SAXO1: variants seen among roughly 807,000 people sequenced by gnomAD.
SAXO1 encodes the protein 4930500O09Rik.
A neutral mutation model predicts 17.5 loss-of-function variants in SAXO1; 21 were observed. The ratio of observed to expected loss-of-function variants is 1.20; its 90% CI spans 0.85 to 1.72. The LOEUF is 1.72. SAXO1 is among the 40% of genes most tolerant of loss of function. The pLI, the probability that SAXO1 is intolerant of heterozygous loss-of-function variation, is 0.00. For missense variants in SAXO1, 843 were observed against 596.0 expected (o/e 1.41, Z -4.32); for synonymous variants, 274 against 216.5 (o/e 1.27, Z -2.33).
At chr9:18,982,009 C>T (rs978067756) in intron 1 of SAXO1, among the ~76,000 whole-genome samples, 1 of 152,186 alleles carries the variant, frequency 6.6e-6, no homozygotes, top group African/African-American at 2.4e-5. Context: ...CTCTCTAGGC[C>T]TCCCAGACCA....
chr9:18,951,741 A>C (rs920298868), intron 1 of SAXO1, among the ~76,000 whole-genome samples: 1 of 152,112 alleles, frequency 6.6e-6, no homozygotes, highest in African/African-American at 2.4e-5. Flanking sequence ...TGTCTGTCTC[A>C]TCTGTCAAGC....
At chr9:18,997,589 A>T (rs1291125249) in intron 1 of SAXO1, among the ~76,000 whole-genome samples, 3 of 152,382 alleles carry the variant, frequency 2.0e-5, no homozygotes, top group Non-Finnish European at 2.9e-5. Flanking sequence ...TGTCCCTGCC[A>T]GATAGTTCTG....
rs757779303 is a variant in SAXO1 at position 18,928,482 on chromosome 9, C to T, written c.995G>A (p.Gly332Asp). 1 of 1,613,336 alleles carries T rather than the reference C, an allele frequency of 6.2e-7. No individual in the cohort carries two copies. The highest frequency in any genetic ancestry group is 8.5e-7 in the Non-Finnish European group (1 of 1,179,666). ...CRPALQIKKC[G>D]RFEGSSTTKD... is the part of the protein sequence containing the mutation. ...GGTGGTGGAAGAGCCTTCAAAGCGA[C>T]CGCACTTCTTAATCTGAAGTGCAGG... Residue 332 changes from glycine (G) to aspartate (D), a missense_variant, in exon 4 of 4, where the codon GGT becomes GAT. Physicochemically the swap from Gly to Asp is moderately conservative, Grantham distance 94. Coordinates refer to ENST00000380534, the MANE Select transcript of SAXO1 (RefSeq NM_153707.4).
Position 18,959,525 on chromosome 9 carries a change from C to T in SAXO1, c.39-8588G>A, listed in dbSNP as rs551865196. ...GTAGTTCATGCCTGTAATCCCAGCA[C>T]TATAGGAGGACAGGGCCGATGGATC... On this transcript the variant is annotated intron_variant, in intron 1 of 3. Coordinates refer to ENST00000380534, the MANE Select transcript of SAXO1 (RefSeq NM_153707.4). Among the ~76,000 whole-genome samples the T allele has an allele frequency of 2.5e-4, 38 of 152,202 alleles. No homozygotes were observed. The South Asian group carries it at 7.3e-3, about 29-fold the overall frequency.
chr9:18,937,726 G>C (rs1186317826), intron 3 of SAXO1, among the ~76,000 whole-genome samples: 1 of 152,138 alleles, frequency 6.6e-6, no homozygotes, highest in Non-Finnish European at 1.5e-5. Context: ...TGAGGACACA[G>C]CAACAAGGCA....
At chr9:18,948,563 T>G (rs530592203) in intron 2 of SAXO1, among the ~76,000 whole-genome samples, 1 of 152,302 alleles carries the variant, frequency 6.6e-6, no homozygotes, top group Non-Finnish European at 1.5e-5. Flanking sequence ...TGTTTATTGT[T>G]TTAAGTGACA....
chr9:19,006,162 G>A (rs886438507), intron 1 of SAXO1, among the ~76,000 whole-genome samples: 4 of 152,198 alleles, frequency 2.6e-5, no homozygotes, highest in South Asian at 2.1e-4. Context: ...ATCCTAGTGC[G>A]TTGCTGGTGG....
chr9:18,984,754 G>C (rs912747073), intron 1 of SAXO1, among the ~76,000 whole-genome samples: 6 of 152,140 alleles, frequency 3.9e-5, no homozygotes, highest in African/African-American at 1.4e-4. Flanking sequence ...TCAGCAATAA[G>C]GCTATTTGCT....
At chr9:19,039,973 C>T (rs907857977) in intron 1 of SAXO1, among the ~76,000 whole-genome samples, 10 of 152,180 alleles carry the variant, frequency 6.6e-5, no homozygotes, top group African/African-American at 2.4e-4. Context: ...AGGTGATCTG[C>T]CCGCCTCGGC....
chr9:19,006,828 T>G (rs996442951), intron 1 of SAXO1, among the ~76,000 whole-genome samples: 1 of 151,864 alleles, frequency 6.6e-6, no homozygotes, highest in Non-Finnish European at 1.5e-5. Context: ...GGAGTATCAC[T>G]TGAGGTCAAG....
chr9:18,952,045 G>A (rs1832058796), intron 1 of SAXO1, among the ~76,000 whole-genome samples: 1 of 152,152 alleles, frequency 6.6e-6, no homozygotes. Flanking sequence ...CATTTTACTT[G>A]CATGGTAGTA....
chr9:18,968,565 T>C (rs1202976405), intron 1 of SAXO1, among the ~76,000 whole-genome samples: 1 of 151,090 alleles, frequency 6.6e-6, no homozygotes, highest in African/African-American at 2.4e-5. Context: ...CGATAGATAG[T>C]GGCATCATGG....
At chr9:19,027,350 C>A in intron 1 of SAXO1, 1 of 783,946 alleles carries the variant, frequency 1.3e-6, no homozygotes, top group Non-Finnish European at 2.3e-6. Flanking sequence ...GAGTACGACT[C>A]GCGGGTGAAG....
intron 1 of SAXO1, among the ~76,000 whole-genome samples, chr9:18,983,098 G>A (rs1292998807): frequency 6.6e-6 from 1 of 151,986 alleles, no homozygotes; most frequent in African/African-American, 2.4e-5. Context: ...GAAAAAAAAA[G>A]GAGCAAAAAT....
intron 1 of SAXO1, among the ~76,000 whole-genome samples, chr9:18,955,939 CT>C (rs33993984): frequency 6.7e-6 from 1 of 148,966 alleles, no homozygotes; most frequent in Non-Finnish European, 1.5e-5. Flanking sequence ...TACTTTTAAA[CT>C]TTTTTTTTTG....
At chr9:19,022,807 C>T (rs1040418417) in intron 1 of SAXO1, among the ~76,000 whole-genome samples, 1 of 152,160 alleles carries the variant, frequency 6.6e-6, no homozygotes, top group Admixed American at 6.5e-5. Flanking sequence ...TTTTTCTTTC[C>T]TTTTAGAGAA....
intron 1 of SAXO1, among the ~76,000 whole-genome samples, chr9:19,003,530 T>C (rs1834365561): frequency 6.6e-6 from 1 of 152,192 alleles, no homozygotes; most frequent in Non-Finnish European, 1.5e-5. Context: ...AGCATGGTAC[T>C]TGTACCAAAA....
chr9:18,964,088 T>C (rs940402184), intron 1 of SAXO1, among the ~76,000 whole-genome samples: 1 of 152,232 alleles, frequency 6.6e-6, no homozygotes, highest in African/African-American at 2.4e-5. Context: ...GATTTGCAAA[T>C]GTTTAACCAA....
intron 1 of SAXO1, among the ~76,000 whole-genome samples, chr9:18,954,269 T>C (rs1832155492): frequency 6.6e-6 from 1 of 152,086 alleles, no homozygotes; most frequent in Non-Finnish European, 1.5e-5. Flanking sequence ...TAATTAACAA[T>C]ACTTGATTCT....
Sources: allele counts gnomAD v4.1 joint callset (sites outside exome capture counted in the v4.1 genomes callset), GRCh38; gene constraint gnomAD v4.1.1; transcripts MANE v1.5; gene names NCBI Gene and HGNC (gene_info 2026-07-23, HGNC 2026-07-21).